KCNH7: variants seen among roughly 807,000 people sequenced by gnomAD.
KCNH7 encodes the protein voltage-gated inwardly rectifying potassium channel KCNH7.
Under a neutral mutation model 120.8 loss-of-function variants are expected in KCNH7, and 49 were observed. That is an observed-to-expected ratio of 0.41 (90% CI 0.32 to 0.51). The LOEUF is 0.51. Ranked by LOEUF, KCNH7 falls within the 20% of genes least tolerant of loss-of-function variation. The pLI is 0.38. For synonymous variants in KCNH7, 547 were observed against 516.1 expected, an observed-to-expected ratio of 1.06 and a Z score of -0.81; for missense variants, 1,097 against 1,446.6, an observed-to-expected ratio of 0.76 and a Z score of 3.92.
intron 2 of KCNH7, among the ~76,000 whole-genome samples, chr2:162,631,482 T>C (rs887261282): frequency 1.3e-5 from 2 of 152,214 alleles, no homozygotes; most frequent in East Asian, 3.9e-4. Context: ...ATTTAACTCT[T>C]AAGAGTAAAG....
intron 6 of KCNH7, among the ~76,000 whole-genome samples, chr2:162,500,021 T>C (rs980511635): frequency 1.3e-5 from 2 of 151,866 alleles, no homozygotes; most frequent in African/African-American, 4.8e-5. Flanking sequence ...GTCAATGTAC[T>C]GTACTTCTCT....
intron 15 of KCNH7, among the ~76,000 whole-genome samples, 177 bp downstream of exon 15, chr2:162,373,293 G>A (rs979194046): frequency 1.3e-5 from 2 of 152,122 alleles, no homozygotes; most frequent in African/African-American, 4.8e-5. Flanking sequence ...ATAAAAATCA[G>A]CGTGGGCTTG....
intron 5 of KCNH7, among the ~76,000 whole-genome samples, chr2:162,508,038 T>A (rs1170556063): frequency 6.6e-6 from 1 of 151,640 alleles, no homozygotes; most frequent in Non-Finnish European, 1.5e-5. Context: ...GAAATAAATA[T>A]TTTATTGTAA....
intron 2 of KCNH7, among the ~76,000 whole-genome samples, chr2:162,556,965 C>T (rs1035093621): frequency 6.6e-6 from 1 of 152,186 alleles, no homozygotes; most frequent in African/African-American, 2.4e-5. Flanking sequence ...AAAAGTCTTG[C>T]AGCAGATCAG....
At chr2:162,394,007 TA>T (rs1351395829) in intron 12 of KCNH7, among the ~76,000 whole-genome samples, 1 of 151,986 alleles carries the variant, frequency 6.6e-6, no homozygotes, top group Non-Finnish European at 1.5e-5. Context: ...TGAGAAGGAC[TA>T]ACAAATGTGG....
chr2:162,398,164 G>T (rs1430561686), intron 10 of KCNH7, among the ~76,000 whole-genome samples: 1 of 151,710 alleles, frequency 6.6e-6, no homozygotes. Context: ...GTACTCTCCT[G>T]TGTCTATCCT....
At position 162,593,860 on chromosome 2, in the gene KCNH7, A is replaced by G. The variant is rs529939611; in HGVS notation, c.308-56780T>C. On this transcript the variant is annotated intron_variant, in intron 2 of 15. Transcript: ENST00000332142. ...GAGGACTGACATGGGACTCAAAGGA[A>G]ATACTCATTGAAGCATTTTTGGACT... Among the ~76,000 whole-genome samples, 18 of 152,118 alleles carry G rather than the reference A, an allele frequency of 1.2e-4. No homozygotes were observed. The South Asian group carries it at 3.7e-3, about 32-fold the overall frequency.
chr2:162,424,932 T>A (rs916527124), intron 8 of KCNH7, among the ~76,000 whole-genome samples: 2 of 152,180 alleles, frequency 1.3e-5, no homozygotes, highest in African/African-American at 4.8e-5. Context: ...TACACAAATA[T>A]TCTGGGTGTG....
intron 3 of KCNH7, among the ~76,000 whole-genome samples, chr2:162,523,235 A>G (rs1282631373): frequency 6.6e-6 from 1 of 151,786 alleles, no homozygotes; most frequent in Non-Finnish European, 1.5e-5. Context: ...AATATAGATA[A>G]ATGCATACAC....
chr2:162,690,195 C>A (rs1044308083), intron 2 of KCNH7, among the ~76,000 whole-genome samples: 2 of 152,028 alleles, frequency 1.3e-5, no homozygotes, highest in African/African-American at 4.8e-5. Flanking sequence ...TACTTGGACA[C>A]ATAGAGGGAA....
intron 2 of KCNH7, among the ~76,000 whole-genome samples, chr2:162,570,309 T>C (rs1693420564): frequency 1.3e-5 from 2 of 151,720 alleles, no homozygotes; most frequent in South Asian, 4.2e-4. Context: ...TCTTTTGATC[T>C]TTGTTGGTTT....
intron 2 of KCNH7, among the ~76,000 whole-genome samples, chr2:162,553,393 T>C (rs1219645203): frequency 6.6e-6 from 1 of 152,140 alleles, no homozygotes; most frequent in Admixed American, 6.5e-5. Flanking sequence ...AAAATAAATG[T>C]CATCCCAGTA....
chr2:162,533,709 C>T (rs531091128), intron 3 of KCNH7, among the ~76,000 whole-genome samples: 2 of 151,406 alleles, frequency 1.3e-5, no homozygotes, highest in African/African-American at 4.8e-5. Context: ...ATGAAAAATA[C>T]CAAGAAATAT....
chr2:162,423,204 G>A, intron 9 of KCNH7, 132 bp downstream of exon 9: 1 of 1,556,700 alleles, frequency 6.4e-7, no homozygotes, highest in African/African-American at 1.4e-5. Context: ...CTATCTCCAG[G>A]GGAGAAAATA....
intron 2 of KCNH7, among the ~76,000 whole-genome samples, chr2:162,660,371 T>C (rs1684916287): frequency 6.6e-6 from 1 of 152,196 alleles, no homozygotes; most frequent in Admixed American, 6.5e-5. Context: ...TTAAAATTTC[T>C]TGTTTGACCC....
chr2:162,747,697 C>A (rs1040627892), intron 2 of KCNH7, among the ~76,000 whole-genome samples: 6 of 152,082 alleles, frequency 3.9e-5, no homozygotes, highest in Non-Finnish European at 5.9e-5. Flanking sequence ...GAGCACACTG[C>A]GACTGAAAGC....
intron 6 of KCNH7, among the ~76,000 whole-genome samples, chr2:162,476,372 G>A (rs1053384263): frequency 2.6e-5 from 4 of 152,062 alleles, no homozygotes; most frequent in African/African-American, 4.8e-5. Context: ...AGAATACCTC[G>A]AGAGCATCTT....
At chr2:162,416,900 G>A (rs564073396) in intron 9 of KCNH7, among the ~76,000 whole-genome samples, 12 of 152,064 alleles carry the variant, frequency 7.9e-5, no homozygotes, top group East Asian at 3.9e-4. Context: ...GGCATGAAAC[G>A]TAATGATTAT....
intron 2 of KCNH7, among the ~76,000 whole-genome samples, chr2:162,658,163 A>G (rs1201499671): frequency 6.6e-6 from 1 of 151,886 alleles, no homozygotes; most frequent in African/African-American, 2.4e-5. Context: ...ATCTACTGGT[A>G]CAGGCTCAGC....
Sources: allele counts gnomAD v4.1 joint callset (sites outside exome capture counted in the v4.1 genomes callset), GRCh38; gene constraint gnomAD v4.1.1; transcripts MANE v1.5; gene names NCBI Gene and HGNC (gene_info 2026-07-23, HGNC 2026-07-21).